The following RALYL variants were observed in gnomAD, a reference collection of about 807,000 sequenced individuals.
The protein encoded by RALYL is RALY RNA binding protein like.
Under a neutral mutation model 35.1 loss-of-function variants are expected in RALYL, and 29 were observed. That is an observed-to-expected ratio of 0.83 (90% CI 0.61 to 1.13). The LOEUF is 1.13. RALYL is among the 50% of genes most tolerant of loss of function. The pLI, the probability that RALYL is intolerant of heterozygous loss-of-function variation, is 0.00. For synonymous variants in RALYL, 120 were observed against 127.6 expected, an observed-to-expected ratio of 0.94 and a Z score of 0.40; for missense variants, 359 against 360.4, an observed-to-expected ratio of 1.00 and a Z score of 0.03.
chr8:84,324,081 TAGTG>T (rs767391912), intron 1 of RALYL, among the ~76,000 whole-genome samples: 2 of 152,058 alleles, frequency 1.3e-5, no homozygotes, highest in Non-Finnish European at 2.9e-5. Context: ...GTGTTTGTGA[TAGTG>T]TGTGGGCTGT....
intron 2 of RALYL, among the ~76,000 whole-genome samples, chr8:84,770,749 G>T (rs1183340574): frequency 6.6e-6 from 1 of 152,092 alleles, no homozygotes; most frequent in African/African-American, 2.4e-5. Context: ...TCTCATGGGG[G>T]TAAGGTGGTA....
intron 1 of RALYL, among the ~76,000 whole-genome samples, chr8:84,408,157 A>G (rs1376219225): frequency 6.6e-6 from 1 of 152,146 alleles, no homozygotes; most frequent in Non-Finnish European, 1.5e-5. Flanking sequence ...TTAAAATGTC[A>G]TCCACATGGG....
At chr8:84,220,223 G>A (rs1032576859) in intron 1 of RALYL, among the ~76,000 whole-genome samples, 2 of 151,954 alleles carry the variant, frequency 1.3e-5, no homozygotes, top group African/African-American at 2.4e-5. Flanking sequence ...ACAATTATGG[G>A]ATCTTAAGTT....
At chr8:84,521,035 C>T (rs1448531610) in intron 1 of RALYL, among the ~76,000 whole-genome samples, 1 of 152,144 alleles carries the variant, frequency 6.6e-6, no homozygotes, top group Non-Finnish European at 1.5e-5. Context: ...ATATGAACTG[C>T]TGTGGATTGA....
intron 4 of RALYL, 147 bp from the exon 5 acceptor site, chr8:84,849,833 T>G (rs1462339658): frequency 2.0e-6 from 1 of 494,962 alleles, no homozygotes; most frequent in African/African-American, 2.0e-5. Flanking sequence ...AATTGGACAT[T>G]ATCTTGGAAG....
intron 1 of RALYL, among the ~76,000 whole-genome samples, chr8:84,489,948 G>C: frequency 6.6e-6 from 1 of 151,976 alleles, no homozygotes; most frequent in East Asian, 1.9e-4. Context: ...AATCATGAAA[G>C]ACCATATCCA....
At chr8:84,428,884 A>G (rs1354183787) in intron 1 of RALYL, among the ~76,000 whole-genome samples, 3 of 152,200 alleles carry the variant, frequency 2.0e-5, no homozygotes, top group Non-Finnish European at 2.9e-5. Context: ...ATTATGACTT[A>G]TAATTTATAA....
chr8:84,688,823 C>T (rs1458530347), intron 2 of RALYL, among the ~76,000 whole-genome samples: 2 of 151,928 alleles, frequency 1.3e-5, no homozygotes, highest in Non-Finnish European at 2.9e-5. Flanking sequence ...GCAAACAATA[C>T]ATCTCAAAAT....
At chr8:84,308,086 T>C (rs953806634) in intron 1 of RALYL, among the ~76,000 whole-genome samples, 7 of 138,116 alleles carry the variant, frequency 5.1e-5, no homozygotes, top group Non-Finnish European at 1.1e-4. Flanking sequence ...AAGCCACATA[T>C]AAATAGATCA....
At position 84,529,349 on chromosome 8, in the gene RALYL, G is replaced by C; in HGVS notation, c.28G>C (p.Val10Leu). 2 of 1,588,388 alleles carry C rather than the reference G, an allele frequency of 1.3e-6. No homozygotes were observed. Among genetic ancestry groups the C allele is most frequent in the Non-Finnish European group, 1.7e-6 (2 of 1,165,748 alleles). The change falls in exon 2 of 9, where the codon GTC becomes CTC. Residue 10 changes from valine to leucine, a missense_variant. Transcript: ENST00000521268. Reference protein sequence around the residue: MTGKTQTSNVTNKNDPKSIN... With the variant: MTGKTQTSNLTNKNDPKSIN... ...GACTGGCAAAACACAGACCAGCAAC[G>C]TCACCAATAAGAATGACCCCAAGTC... is the stretch of plus-strand genomic sequence containing the variant.
At chr8:84,453,374 G>T (rs1212670690) in intron 1 of RALYL, among the ~76,000 whole-genome samples, 2 of 151,916 alleles carry the variant, frequency 1.3e-5, no homozygotes, top group Non-Finnish European at 2.9e-5. Context: ...TACAGAAAGA[G>T]AAAATATGTA....
intron 2 of RALYL, among the ~76,000 whole-genome samples, chr8:84,712,548 C>T (rs1452260133): frequency 6.6e-6 from 1 of 152,080 alleles, no homozygotes; most frequent in Non-Finnish European, 1.5e-5. Flanking sequence ...ACTTTTGTAC[C>T]AGGTGAGCAT....
chr8:84,813,080 G>A (rs931199925), intron 4 of RALYL, among the ~76,000 whole-genome samples: 2 of 152,110 alleles, frequency 1.3e-5, no homozygotes, highest in Non-Finnish European at 2.9e-5. Context: ...GCGAGCTCCC[G>A]GGGCTTTTCC....
chr8:84,541,560 A>G (rs2060018606), intron 2 of RALYL, among the ~76,000 whole-genome samples: 2 of 152,034 alleles, frequency 1.3e-5, no homozygotes. Context: ...TGTTCTGGGT[A>G]TCCTTCTTTA....
intron 2 of RALYL, among the ~76,000 whole-genome samples, chr8:84,642,348 A>G (rs1826542004): frequency 6.6e-6 from 1 of 151,816 alleles, no homozygotes; most frequent in African/African-American, 2.4e-5. Context: ...CTCTATGGCA[A>G]TTTGTGGGGT....
intron 4 of RALYL, among the ~76,000 whole-genome samples, chr8:84,840,717 A>G (rs1040806685): frequency 3.9e-5 from 6 of 152,190 alleles, no homozygotes; most frequent in African/African-American, 9.7e-5. Flanking sequence ...CAGCCAGAGA[A>G]AAAGGTAGGG....
At chr8:84,647,305 A>AT in intron 2 of RALYL, among the ~76,000 whole-genome samples, 1 of 152,214 alleles carries the variant, frequency 6.6e-6, no homozygotes, top group East Asian at 1.9e-4. Context: ...CATCTCTGGC[A>AT]TGTTTGCGGA....
At chr8:84,758,209 G>C (rs960488377) in intron 2 of RALYL, among the ~76,000 whole-genome samples, 2 of 152,094 alleles carry the variant, frequency 1.3e-5, no homozygotes, top group African/African-American at 4.8e-5. Context: ...AAAATATTGG[G>C]TAATTTTCTC....
intron 3 of RALYL, among the ~76,000 whole-genome samples, chr8:84,790,091 T>G (rs1563610182): frequency 2.0e-5 from 3 of 152,020 alleles, no homozygotes; most frequent in African/African-American, 7.3e-5. Flanking sequence ...CTGGAGTGAG[T>G]TGCCATCTGG....
Sources: gnomAD v4.1 joint callset for allele counts (sites outside exome capture counted in the v4.1 genomes callset) on GRCh38, gnomAD v4.1.1 for gene constraint, MANE v1.5 for transcripts, NCBI Gene and HGNC (gene_info 2026-07-23, HGNC 2026-07-21) for gene names.